HCN1: variants seen among roughly 807,000 people sequenced by gnomAD.
HCN1 encodes the protein hyperpolarization activated cyclic nucleotide gated potassium channel 1.
A neutral mutation model predicts 78.9 loss-of-function variants in HCN1; 13 were observed. The observed-to-expected ratio is 0.16, with a 90% CI of 0.11 to 0.26. The LOEUF (loss-of-function observed/expected upper bound fraction) is 0.26, where lower values mean the gene tolerates loss of function less well. Among genes scored for constraint, HCN1 ranks in the 10% least tolerant of loss-of-function variants. The probability of loss-of-function intolerance (pLI) is 1.00; values close to 1 mark genes in which losing one functional copy is unlikely to be tolerated. For missense variants in HCN1, 810 were observed against 1,154.3 expected (o/e 0.70, Z 4.32); for synonymous variants, 552 against 455.5 (o/e 1.21, Z -2.70).
chr5:45,435,257 T>A (rs1740539469), intron 3 of HCN1, among the ~76,000 whole-genome samples: 1 of 152,244 alleles, frequency 6.6e-6, no homozygotes, highest in African/African-American at 2.4e-5. Context: ...ATACGATGAC[T>A]GAAGCTTGCA....
chr5:45,622,125 G>A (rs1368950687), intron 2 of HCN1, among the ~76,000 whole-genome samples: 1 of 152,038 alleles, frequency 6.6e-6, no homozygotes, highest in Non-Finnish European at 1.5e-5. Context: ...AGGAGGCTGA[G>A]GCAGGAGAAT....
intron 6 of HCN1, among the ~76,000 whole-genome samples, chr5:45,294,692 A>G (rs1224040506): frequency 6.6e-6 from 1 of 152,070 alleles, no homozygotes; most frequent in African/African-American, 2.4e-5. Context: ...TTAGTGGATA[A>G]TATATTTACA....
chr5:45,548,495 C>T (rs1192503700), intron 2 of HCN1, among the ~76,000 whole-genome samples: 1 of 151,964 alleles, frequency 6.6e-6, no homozygotes, highest in African/African-American at 2.4e-5. Context: ...GGACATATCT[C>T]GAAATAATAA....
At chr5:45,343,662 A>C (rs1746633026) in intron 5 of HCN1, among the ~76,000 whole-genome samples, 1 of 152,180 alleles carries the variant, frequency 6.6e-6, no homozygotes, top group Non-Finnish European at 1.5e-5. Context: ...TTCATTATAT[A>C]ATCTACTACA....
chr5:45,567,949 T>C (rs991424354), intron 2 of HCN1, among the ~76,000 whole-genome samples: 4 of 148,266 alleles, frequency 2.7e-5, no homozygotes, highest in Non-Finnish European at 6.0e-5. Context: ...CACACACATA[T>C]ACACACACTG....
In HCN1 at chr5:45,267,163, T is replaced by C. The variant is rs1433400858; in HGVS notation, c.1709A>G (p.Asn570Ser). 1.2e-6 allele frequency: 2 copies of C among 1,613,914 alleles called. No homozygotes were observed. Among genetic ancestry groups the C allele is most frequent in the Non-Finnish European group, 1.7e-6 (2 of 1,179,920 alleles). The change falls in exon 7 of 8, where the codon AAC becomes AGC. Residue 570 changes from asparagine (N) to serine (S), a missense_variant. Physicochemically the swap from Asn to Ser is conservative, Grantham distance 46 (BLOSUM62 1). This residue lies in a region of HCN1 where 36 missense variants were observed against 58.5 expected (regional missense o/e 0.62). Transcript: ENST00000303230. ...CATTGGATATTCCTCCAGGACCTCG[T>C]TGAAATTGTCCACGGAAAGTGAGTA... is the stretch of plus-strand genomic sequence containing the variant. ...RLYSLSVDNF[N>S]EVLEEYPMMR...
chr5:45,313,315 A>G (rs1745899510), intron 5 of HCN1, among the ~76,000 whole-genome samples: 1 of 152,194 alleles, frequency 6.6e-6, no homozygotes, highest in Non-Finnish European at 1.5e-5. Context: ...CCTGACTGTT[A>G]GAAGGAAAAC....
chr5:45,538,494 G>A (rs1180098240), intron 2 of HCN1, among the ~76,000 whole-genome samples: 1 of 152,062 alleles, frequency 6.6e-6, no homozygotes, highest in East Asian at 1.9e-4. Flanking sequence ...ATGCAATTTC[G>A]TGAATCTAAA....
At chr5:45,434,874 A>G (rs1740532856) in intron 3 of HCN1, among the ~76,000 whole-genome samples, 1 of 152,128 alleles carries the variant, frequency 6.6e-6, no homozygotes, top group South Asian at 2.1e-4. Flanking sequence ...ATATATATCT[A>G]TATTATAAAA....
intron 2 of HCN1, among the ~76,000 whole-genome samples, chr5:45,470,250 C>T (rs1741364090): frequency 6.6e-6 from 1 of 151,934 alleles, no homozygotes; most frequent in Non-Finnish European, 1.5e-5. Context: ...TGTTGGTTTG[C>T]TGTCTTGGCA....
chr5:45,563,188 G>A (rs1200573993), intron 2 of HCN1, among the ~76,000 whole-genome samples: 1 of 152,030 alleles, frequency 6.6e-6, no homozygotes, highest in Non-Finnish European at 1.5e-5. Flanking sequence ...GGTGGCTCAC[G>A]CCTGTAATCC....
At chr5:45,615,876 C>T (rs1005089671) in intron 2 of HCN1, among the ~76,000 whole-genome samples, 1 of 151,732 alleles carries the variant, frequency 6.6e-6, no homozygotes, top group Non-Finnish European at 1.5e-5. Flanking sequence ...TGCAAAATAG[C>T]TTGAAATGCA....
At chr5:45,278,435 C>T (rs1445577179) in intron 6 of HCN1, among the ~76,000 whole-genome samples, 1 of 152,054 alleles carries the variant, frequency 6.6e-6, no homozygotes, top group African/African-American at 2.4e-5. Flanking sequence ...ATCCTATTAC[C>T]ACTGCCCAAT....
At chr5:45,586,227 G>A (rs1744218255) in intron 2 of HCN1, among the ~76,000 whole-genome samples, 1 of 152,090 alleles carries the variant, frequency 6.6e-6, no homozygotes, top group Non-Finnish European at 1.5e-5. Context: ...GGCAATGGCG[G>A]GCACCCATCC....
intron 2 of HCN1, among the ~76,000 whole-genome samples, chr5:45,585,398 T>A (rs1018751808): frequency 3.9e-5 from 6 of 152,236 alleles, no homozygotes; most frequent in African/African-American, 1.2e-4. Context: ...TAAGGACTTC[T>A]CTGCATTGAT....
intron 3 of HCN1, among the ~76,000 whole-genome samples, chr5:45,436,360 T>G (rs1740560385): frequency 6.6e-6 from 1 of 152,204 alleles, no homozygotes; most frequent in Admixed American, 6.5e-5. Context: ...CATCTGTTGC[T>G]TAAGGCAGGG....
intron 4 of HCN1, among the ~76,000 whole-genome samples, chr5:45,376,303 A>ATATTC (rs1747671878): frequency 2.2e-5 from 1 of 46,262 alleles, no homozygotes; most frequent in Admixed American, 2.5e-4. Flanking sequence ...ATTGTATTAT[A>ATATTC]TATAAAATAT....
At chr5:45,337,289 T>C (rs1383770804) in intron 5 of HCN1, among the ~76,000 whole-genome samples, 1 of 152,120 alleles carries the variant, frequency 6.6e-6, no homozygotes, top group Non-Finnish European at 1.5e-5. Context: ...TGTTATGTCA[T>C]ACAGTGCATA....
chr5:45,442,992 T>C (rs1740709874), intron 3 of HCN1, among the ~76,000 whole-genome samples: 1 of 152,108 alleles, frequency 6.6e-6, no homozygotes, highest in African/African-American at 2.4e-5. Context: ...TCCAGTACAA[T>C]TTATATATTA....
Sources: allele counts gnomAD v4.1 joint callset (sites outside exome capture counted in the v4.1 genomes callset), GRCh38; gene constraint gnomAD v4.1.1; regional missense constraint gnomAD v4.1.1; transcripts MANE v1.5; gene names NCBI Gene and HGNC (gene_info 2026-07-23, HGNC 2026-07-21).